BCKDHB: variants seen among roughly 807,000 people sequenced by gnomAD.
The protein encoded by BCKDHB is 2-oxoisovalerate dehydrogenase subunit beta, mitochondrial.
In BCKDHB, 41 loss-of-function variants were observed where a neutral mutation model predicts 48.5. The observed-to-expected ratio is 0.85, with a 90% confidence interval of 0.66 to 1.10. The LOEUF (loss-of-function observed/expected upper bound fraction) is 1.10. BCKDHB is among the 50% of genes least tolerant of loss of function. The probability of loss-of-function intolerance (pLI) is 0.00; values close to 1 mark genes in which losing one functional copy is unlikely to be tolerated. For missense variants in BCKDHB, 496 were observed against 494.2 expected, an observed-to-expected ratio of 1.00 and a Z score of -0.03; for synonymous variants, 201 against 174.8, an observed-to-expected ratio of 1.15 and a Z score of -1.18.
chr6:80,111,697 C>T (rs1424262955), intron 1 of BCKDHB, among the ~76,000 whole-genome samples: 8 of 152,098 alleles, frequency 5.3e-5, no homozygotes, highest in Non-Finnish European at 1.0e-4. Flanking sequence ...ATTCTCAGAA[C>T]CAAATAAAAG....
At chr6:80,294,066 C>T (rs1767088209) in intron 9 of BCKDHB, among the ~76,000 whole-genome samples, 1 of 152,182 alleles carries the variant, frequency 6.6e-6, no homozygotes, top group Non-Finnish European at 1.5e-5. Context: ...CAAACTGTTC[C>T]AACCTCTGCC....
At chr6:80,368,705 A>G in the BCKDHB span, among the ~76,000 whole-genome samples, 6 of 131,082 alleles carry the variant, frequency 4.6e-5, no homozygotes, top group African/African-American at 1.0e-4. Flanking sequence ...TTCTATATAC[A>G]TGAACTTAAA....
chr6:80,414,105 A>T, the BCKDHB span, among the ~76,000 whole-genome samples: 202 of 151,886 alleles, frequency 1.3e-3, no homozygotes, highest in Non-Finnish European at 1.8e-3. Flanking sequence ...CTTTTTTTTT[A>T]AAAGTGTCTG....
the BCKDHB span, among the ~76,000 whole-genome samples, chr6:80,443,710 A>G: frequency 6.6e-6 from 1 of 152,024 alleles, no homozygotes; most frequent in African/African-American, 2.4e-5. Flanking sequence ...GGGTCTCATC[A>G]TGTTGCCCAG....
chr6:80,226,048 G>A (rs1775663659), intron 8 of BCKDHB, among the ~76,000 whole-genome samples: 1 of 152,162 alleles, frequency 6.6e-6, no homozygotes, highest in African/African-American at 2.4e-5. Context: ...CCTTTGGAAT[G>A]TCTGTTGACC....
chr6:80,374,731 T>C, the BCKDHB span, among the ~76,000 whole-genome samples: 1 of 152,232 alleles, frequency 6.6e-6, no homozygotes, highest in Non-Finnish European at 1.5e-5. Flanking sequence ...CATTGTGTTA[T>C]TGTTTCATAG....
intron 3 of BCKDHB, among the ~76,000 whole-genome samples, chr6:80,140,020 T>G (rs914484727): frequency 6.6e-6 from 1 of 152,162 alleles, no homozygotes; most frequent in Non-Finnish European, 1.5e-5. Flanking sequence ...GGTCCTTCAC[T>G]TCCCTTGTAA....
At chr6:80,463,514 G>T in the BCKDHB span, among the ~76,000 whole-genome samples, 1 of 152,128 alleles carries the variant, frequency 6.6e-6, no homozygotes, top group Non-Finnish European at 1.5e-5. Flanking sequence ...GAAGTGAGGA[G>T]TTTAAAAGAT....
chr6:80,344,136 T>A lies in BCKDHB; in HGVS notation c.*332T>A. The A allele has an allele frequency of 2.9e-6, 1 of 349,668 alleles. No homozygotes were observed. The highest frequency in any genetic ancestry group is 5.5e-6 in the Non-Finnish European group (1 of 181,680). 21.7% of individuals were successfully genotyped at this position (349,668 alleles called of 1,614,324 possible). On this transcript the variant is annotated 3_prime_UTR_variant, in exon 10 of 10. Coordinates refer to ENST00000320393, the MANE Select transcript of BCKDHB (RefSeq NM_183050.4). The stretch of plus-strand genomic sequence containing the variant: ...TCTCCTGCCTCAGCCTGCTGAGTAG[T>A]TGGGATTACAGGCGCCCACCACCAT...
intron 9 of BCKDHB, among the ~76,000 whole-genome samples, chr6:80,291,889 T>G (rs1201122963): frequency 2.0e-5 from 3 of 152,220 alleles, no homozygotes; most frequent in African/African-American, 7.2e-5. Context: ...TTGTATAAAG[T>G]GCAGCAAGAA....
At chr6:80,451,642 T>C in the BCKDHB span, among the ~76,000 whole-genome samples, 1 of 151,136 alleles carries the variant, frequency 6.6e-6, no homozygotes, top group African/African-American at 2.4e-5. Context: ...GGCATGAGAA[T>C]CACTTCAACC....
the BCKDHB span, among the ~76,000 whole-genome samples, chr6:80,412,862 G>C: frequency 1.3e-5 from 2 of 152,120 alleles, no homozygotes; most frequent in Non-Finnish European, 2.9e-5. Context: ...TGACCTGCAG[G>C]GTAATCTGCT....
chr6:80,157,466 T>TTC (rs1244840661), intron 3 of BCKDHB, among the ~76,000 whole-genome samples: 1 of 145,230 alleles, frequency 6.9e-6, no homozygotes, highest in African/African-American at 2.5e-5. Context: ...AGAATTTTTT[T>TTC]TTTTTTTTTT....
rs371254370 is a variant in BCKDHB, at chr6:80,184,162, A to G, written c.742+12772A>G. On this transcript the variant is annotated intron_variant, in intron 6 of 9. Transcript: ENST00000320393. ...GATGCATATTATTTAGGATTGTGAT[A>G]TTTTCCTGTTGGAGTAGTCCTTTTA... Among the ~76,000 whole-genome samples, 3 of 152,072 alleles carry G rather than the reference A, an allele frequency of 2.0e-5. No homozygotes were observed. The East Asian group carries it at 5.8e-4, about 29-fold the overall frequency.
At chr6:80,433,214 T>G in the BCKDHB span, among the ~76,000 whole-genome samples, 1 of 142,440 alleles carries the variant, frequency 7.0e-6, no homozygotes, top group Admixed American at 8.0e-5. Context: ...TCTGCTCTTT[T>G]CAGAGCTGTC....
the BCKDHB span, among the ~76,000 whole-genome samples, chr6:80,386,507 T>G: frequency 6.6e-6 from 1 of 152,164 alleles, no homozygotes; most frequent in Non-Finnish European, 1.5e-5. Context: ...AAGAGCCCTG[T>G]AATTGCTCTT....
chr6:80,237,138 T>G (rs1776178949), intron 8 of BCKDHB, among the ~76,000 whole-genome samples: 1 of 152,210 alleles, frequency 6.6e-6, no homozygotes, highest in African/African-American at 2.4e-5. Context: ...TCTTTATAGT[T>G]TTGGTGGACA....
the BCKDHB span, among the ~76,000 whole-genome samples, chr6:80,380,988 G>A: frequency 4.6e-5 from 7 of 151,980 alleles, no homozygotes; most frequent in African/African-American, 1.7e-4. Flanking sequence ...TCTGTGAAGA[G>A]AGGGGATTTT....
At chr6:80,164,053 G>C (rs1455073446) in intron 3 of BCKDHB, among the ~76,000 whole-genome samples, 1 of 152,142 alleles carries the variant, frequency 6.6e-6, no homozygotes, top group Admixed American at 6.5e-5. Context: ...CACCAAATAC[G>C]AGTCAGAAGG....
Sources: allele counts gnomAD v4.1 joint callset (sites outside exome capture counted in the v4.1 genomes callset), GRCh38; gene constraint gnomAD v4.1.1; transcripts MANE v1.5; gene names NCBI Gene and HGNC (gene_info 2026-07-23, HGNC 2026-07-21).